The following ITIH6 variants were observed in gnomAD, a reference collection of about 807,000 sequenced individuals.
The protein encoded by ITIH6 is inter-alpha-trypsin inhibitor heavy chain H6.
In ITIH6, 60 loss-of-function variants were observed where a neutral mutation model predicts 58.2. That is an observed-to-expected ratio of 1.03 (90% CI 0.84 to 1.28). ITIH6 has a LOEUF of 1.28. Ranked by LOEUF, ITIH6 falls within the 50% of genes most tolerant of loss-of-function variation. ITIH6 has a pLI of 0.00. For synonymous variants in ITIH6, 493 were observed against 417.4 expected (o/e 1.18, Z -2.21); for missense variants, 1,290 against 1,021.1 (o/e 1.26, Z -3.59).
At position 54,757,153 on chromosome X, in the gene ITIH6, C is replaced by G. The variant is rs1347703592; in HGVS notation, c.2921G>C (p.Arg974Thr). 1 of 1,209,231 alleles carries G rather than the reference C, an allele frequency of 8.3e-7. No individual in the cohort carries two copies. The highest frequency in any genetic ancestry group is 1.8e-5 in the African/African-American group (1 of 57,041). The change falls in exon 8 of 13, where the codon AGG (arginine) becomes ACG (threonine). Residue 974 changes from arginine to threonine, a missense_variant. By Grantham distance (71) the Arg-to-Thr change is moderately conservative. Transcript: ENST00000218436. ...VPTMSLLNSS[R>T]PTPEGSPPNL... is the part of the protein sequence containing the mutation. The stretch of plus-strand genomic sequence containing the variant: ...TGGAGGGCTGCCTTCTGGTGTAGGC[C>G]TGGAGCTGTTGAGTAGGCTCATTGT...
chrX:54,776,492 C>A (rs1929055920), intron 5 of ITIH6, among the ~76,000 whole-genome samples: 1 of 109,786 alleles, frequency 9.1e-6, no homozygotes, highest in African/African-American at 3.3e-5. Context: ...CATCACCCCT[C>A]CTCTAACCCC....
intron 9 of ITIH6, among the ~76,000 whole-genome samples, chrX:54,754,747 G>A (rs1421697900): frequency 2.7e-5 from 3 of 111,983 alleles, no homozygotes; most frequent in Non-Finnish European, 5.6e-5. Flanking sequence ...TGTGGAAGAG[G>A]ATGAGAGCTC....
chrX:54,788,348 C>T (rs767879050), intron 5 of ITIH6, 132 bp downstream of exon 5: 8 of 522,829 alleles, frequency 1.5e-5, no homozygotes, highest in East Asian at 7.3e-5. Context: ...TGTCTTTTCA[C>T]GTCAGCCTAT....
At chrX:54,791,159 T>C in intron 3 of ITIH6, 75 bp from the exon 4 acceptor site, 1 of 1,082,827 alleles carries the variant, frequency 9.2e-7, no homozygotes, top group Non-Finnish European at 1.3e-6. Context: ...GATGACCTAG[T>C]TTTGCTCCCC....
At chrX:54,760,425 C>T (rs1369136688) in intron 6 of ITIH6, among the ~76,000 whole-genome samples, 7 of 111,216 alleles carry the variant, frequency 6.3e-5, no homozygotes, top group African/African-American at 2.0e-4. Flanking sequence ...TGTTTAGGAC[C>T]TTTATGATCC....
At chrX:54,795,998 G>A (rs1000444449) in intron 2 of ITIH6, among the ~76,000 whole-genome samples, 5 of 111,636 alleles carry the variant, frequency 4.5e-5, no homozygotes, top group Admixed American at 9.5e-5. Flanking sequence ...CTGAGTAGCT[G>A]AGACTATAGG....
At chrX:54,776,086 C>T (rs1367791386) in intron 5 of ITIH6, among the ~76,000 whole-genome samples, 11 of 111,029 alleles carry the variant, frequency 9.9e-5, no homozygotes, top group East Asian at 5.7e-4. Flanking sequence ...CCCCCAGCAG[C>T]TGAGGCACGG....
chrX:54,749,511 T>C lies in ITIH6; in HGVS notation c.*384A>G, dbSNP rs1928307006. 1 of 144,438 alleles carries C rather than the reference T, an allele frequency of 6.9e-6. No individual in the cohort carries two copies. The highest frequency in any genetic ancestry group is 3.1e-5 in the African/African-American group (1 of 32,106). 11.9% of individuals were successfully genotyped at this position (144,438 alleles called of 1,213,427 possible). A position where few individuals can be genotyped will look rare whatever the true frequency, so the allele number is the denominator to read the frequency against. ...GCAGAAGGAAAAGCACATGCAATGG[T>C]CCAGTGGTAGGAGTGAGCATGGTTT... On this transcript the variant is annotated 3_prime_UTR_variant, in exon 13 of 13. Coordinates refer to ENST00000218436, the MANE Select transcript of ITIH6 (RefSeq NM_198510.3).
chrX:54,750,260 A>G (rs1569543767), intron 12 of ITIH6, among the ~76,000 whole-genome samples, 154 bp from the exon 13 acceptor site: 1 of 111,010 alleles, frequency 9.0e-6, no homozygotes, highest in Non-Finnish European at 1.9e-5. Context: ...CATTGTGGGA[A>G]CTGTACAGGA....
At chrX:54,784,168 A>G (rs1164902938) in intron 5 of ITIH6, among the ~76,000 whole-genome samples, 1 of 111,985 alleles carries the variant, frequency 8.9e-6, no homozygotes, top group Non-Finnish European at 1.9e-5. Flanking sequence ...CTCTCTCACC[A>G]TATACAAAAA....
intron 5 of ITIH6, among the ~76,000 whole-genome samples, chrX:54,775,403 G>A (rs1929032556): frequency 1.8e-5 from 2 of 110,990 alleles, no homozygotes; most frequent in South Asian, 7.7e-4. Context: ...GACTCAGGAA[G>A]AGAATTAAGA....
chrX:54,753,616 T>G, intron 11 of ITIH6, 35 bp downstream of exon 11: 2 of 1,028,315 alleles, frequency 1.9e-6, no homozygotes, highest in Non-Finnish European at 2.7e-6. Flanking sequence ...ATATCCAGCT[T>G]TGGTGTATGG....
In ITIH6 at chrX:54,788,530, A is replaced by T; in HGVS notation, c.736T>A (p.Phe246Ile). ...ATGACCACATCGTACTGAACCAGGA[A>T]GTCAGCCATGATGCCTGACCCAGAG... ...SISGSGIMAD[F>I]LVQYDVVMED... is the part of the protein sequence containing the mutation. The change falls in exon 5 of 13, where the codon TTC (phenylalanine) becomes ATC (isoleucine). Residue 246 changes from phenylalanine (F) to isoleucine (I), a missense_variant. Physicochemically the swap from Phe to Ile is conservative, Grantham distance 21. Coordinates refer to ENST00000218436, the MANE Select transcript of ITIH6 (RefSeq NM_198510.3). The T allele has an allele frequency of 8.3e-7, 1 of 1,210,737 alleles. No individual in the cohort carries two copies. Among genetic ancestry groups the T allele is most frequent in the Middle Eastern group, 2.3e-4 (1 of 4,350 alleles).
intron 6 of ITIH6, among the ~76,000 whole-genome samples, chrX:54,767,894 A>T (rs1928834637): frequency 1.3e-5 from 1 of 74,193 alleles, no homozygotes; most frequent in South Asian, 8.4e-4. Flanking sequence ...AGTTCTGTAG[A>T]TGTCTATTAG....
intron 6 of ITIH6, among the ~76,000 whole-genome samples, chrX:54,772,892 T>G (rs147776593): frequency 0.012 from 1,285 of 111,607 alleles, 15 homozygotes; most frequent in African/African-American, 0.039. Flanking sequence ...AAATGCAGCC[T>G]CCTGAGTAGC....
intron 2 of ITIH6, among the ~76,000 whole-genome samples, chrX:54,794,164 C>T (rs1030955370): frequency 4.6e-5 from 5 of 108,350 alleles, no homozygotes; most frequent in African/African-American, 6.8e-5. Context: ...GGGGGTGGGC[C>T]GAGTTGGCAC....
intron 2 of ITIH6, among the ~76,000 whole-genome samples, chrX:54,795,180 G>T (rs1414695710): frequency 9.0e-6 from 1 of 111,324 alleles, no homozygotes; most frequent in Non-Finnish European, 1.9e-5. Flanking sequence ...TTAACACCTT[G>T]CCATGTCTCC....
At chrX:54,792,109 A>G in intron 2 of ITIH6, 73 bp from the exon 3 acceptor site, 4 of 719,471 alleles carry the variant, frequency 5.6e-6, no homozygotes, top group Non-Finnish European at 8.7e-6. Flanking sequence ...AGAGAAAGAG[A>G]CACATGAGGT....
At chrX:54,775,100 A>T (rs1455291263) in intron 5 of ITIH6, among the ~76,000 whole-genome samples, 1 of 111,787 alleles carries the variant, frequency 8.9e-6, no homozygotes. Context: ...CCAGCCTTTG[A>T]ATTAATTCAC....
Sources: allele counts gnomAD v4.1 joint callset (sites outside exome capture counted in the v4.1 genomes callset), GRCh38; gene constraint gnomAD v4.1.1; transcripts MANE v1.5; gene names NCBI Gene and HGNC (gene_info 2026-07-23, HGNC 2026-07-21).